Variants in PCDH11X observed in about 807,000 individuals in gnomAD.
The protein encoded by PCDH11X is protocadherin 11 X-linked, also known as protocadherin-11 X-linked.
A neutral mutation model predicts 53.3 loss-of-function variants in PCDH11X; 18 were observed. The ratio of observed to expected loss-of-function variants is 0.34; its 90% CI spans 0.23 to 0.50. The LOEUF (loss-of-function observed/expected upper bound fraction) is 0.50, where lower values mean the gene tolerates loss of function less well. Ranked by LOEUF, PCDH11X falls within the 20% of genes least tolerant of loss-of-function variation. The pLI, the probability that PCDH11X is intolerant of heterozygous loss-of-function variation, is 0.98. For synonymous variants in PCDH11X, 279 were observed against 393.3 expected (o/e 0.71, Z 3.44); for missense variants, 570 against 1,032.4 (o/e 0.55, Z 6.14).
intron 6 of PCDH11X, among the ~76,000 whole-genome samples, chrX:92,070,946 C>T (rs1488956140): frequency 2.6e-3 from 274 of 104,724 alleles, no homozygotes; most frequent in Non-Finnish European, 4.6e-3. Context: ...ACTAGAGGCA[C>T]GCGCCACCAC....
At chrX:92,215,743 C>G (rs1331066938) in intron 7 of PCDH11X, among the ~76,000 whole-genome samples, 1 of 106,366 alleles carries the variant, frequency 9.4e-6, no homozygotes, top group African/African-American at 3.4e-5. Context: ...AATGGGCAGA[C>G]TGCCTCCTCA....
chrX:92,322,361 C>A (rs1294208205), intron 8 of PCDH11X, among the ~76,000 whole-genome samples: 1 of 110,845 alleles, frequency 9.0e-6, no homozygotes, highest in African/African-American at 3.3e-5. Context: ...AATGTACTTT[C>A]CATTCCTTAT....
chrX:92,430,978 T>A (rs1339197265), intron 9 of PCDH11X, among the ~76,000 whole-genome samples: 4 of 108,430 alleles, frequency 3.7e-5, no homozygotes, highest in Non-Finnish European at 7.7e-5. Flanking sequence ...GTGAATTTCA[T>A]TTTACTTATT....
At chrX:91,968,367 C>G (rs2061896879) in intron 6 of PCDH11X, among the ~76,000 whole-genome samples, 1 of 107,751 alleles carries the variant, frequency 9.3e-6, no homozygotes, top group Non-Finnish European at 1.9e-5. Flanking sequence ...TCCCAAAATA[C>G]CACCACATTT....
chrX:92,121,305 G>C (rs938959518), intron 6 of PCDH11X, among the ~76,000 whole-genome samples: 1 of 110,295 alleles, frequency 9.1e-6, no homozygotes, highest in Non-Finnish European at 1.9e-5. Flanking sequence ...ACAGGCATCC[G>C]CCACCATGCC....
At chrX:92,394,414 G>T (rs1188457871) in intron 9 of PCDH11X, among the ~76,000 whole-genome samples, 3 of 110,948 alleles carry the variant, frequency 2.7e-5, no homozygotes, top group East Asian at 5.7e-4. Context: ...CAATGCCATA[G>T]GTCTGGAATG....
intron 7 of PCDH11X, among the ~76,000 whole-genome samples, chrX:92,247,971 A>G (rs923453570): frequency 8.9e-6 from 1 of 112,030 alleles, no homozygotes; most frequent in Admixed American, 9.5e-5. Context: ...CATAAAAATA[A>G]TGAATTCAAC....
chrX:92,021,607 A>G (rs1173005977), intron 6 of PCDH11X, among the ~76,000 whole-genome samples: 1 of 104,119 alleles, frequency 9.6e-6, no homozygotes, highest in Non-Finnish European at 2.0e-5. Flanking sequence ...TCGGGTTATT[A>G]TCCAGGAGAA....
At chrX:92,495,839 A>T (rs1176750434) in intron 10 of PCDH11X, among the ~76,000 whole-genome samples, 1 of 106,586 alleles carries the variant, frequency 9.4e-6, no homozygotes, top group Non-Finnish European at 1.9e-5. Flanking sequence ...ACTCACTACC[A>T]CAAGAGCGGT....
chrX:91,999,397 A>G (rs1162263295), intron 6 of PCDH11X, among the ~76,000 whole-genome samples: 1 of 111,356 alleles, frequency 9.0e-6, no homozygotes, highest in Non-Finnish European at 1.9e-5. Flanking sequence ...AAAACCTTCA[A>G]ATATGTGCAT....
chrX:92,368,319 C>A (rs765323391), intron 8 of PCDH11X, among the ~76,000 whole-genome samples: 1 of 111,584 alleles, frequency 9.0e-6, no homozygotes, highest in African/African-American at 3.3e-5. Flanking sequence ...TCACAAAGTT[C>A]TCGTGCTGTG....
chrX:92,064,144 G>A (rs2063567884), intron 6 of PCDH11X, among the ~76,000 whole-genome samples: 1 of 100,343 alleles, frequency 1.0e-5, no homozygotes, highest in African/African-American at 3.7e-5. Context: ...TGTGGTGGGG[G>A]TGGGGGACTG....
intron 6 of PCDH11X, among the ~76,000 whole-genome samples, chrX:91,933,492 A>G (rs2061411512): frequency 9.0e-6 from 1 of 111,692 alleles, no homozygotes; most frequent in African/African-American, 3.2e-5. Context: ...TTCAAACACA[A>G]TTTAGCACAG....
intron 9 of PCDH11X, among the ~76,000 whole-genome samples, chrX:92,449,573 A>C (rs751404805): frequency 1.8e-5 from 2 of 112,088 alleles, no homozygotes; most frequent in South Asian, 7.4e-4. Flanking sequence ...CTGGAGAAGG[A>C]TAGATTATTT....
At chrX:91,783,079 G>C in intron 1 of PCDH11X, among the ~76,000 whole-genome samples, 1 of 111,954 alleles carries the variant, frequency 8.9e-6, no homozygotes, top group East Asian at 2.8e-4. Flanking sequence ...ACGCAGGTGA[G>C]AGATGTGGGC....
intron 8 of PCDH11X, among the ~76,000 whole-genome samples, chrX:92,270,043 C>T (rs2067917060): frequency 9.0e-6 from 1 of 110,894 alleles, no homozygotes; most frequent in Non-Finnish European, 1.9e-5. Flanking sequence ...AATGATCACA[C>T]CTAGATTGTA....
chrX:92,472,060 A>T (rs1446911259), intron 10 of PCDH11X, among the ~76,000 whole-genome samples: 1 of 108,645 alleles, frequency 9.2e-6, no homozygotes, highest in Non-Finnish European at 1.9e-5. Flanking sequence ...TAGATTGTTT[A>T]CTCTGTTGAT....
chrX:92,478,839 T>C (rs1346186450), intron 10 of PCDH11X, among the ~76,000 whole-genome samples: 2 of 111,063 alleles, frequency 1.8e-5, no homozygotes, highest in African/African-American at 3.3e-5. Context: ...TTGAGAATAA[T>C]GTACATTCTG....
At chrX:92,302,919 C>A (rs1296391519) in intron 8 of PCDH11X, among the ~76,000 whole-genome samples, 1 of 110,199 alleles carries the variant, frequency 9.1e-6, no homozygotes, top group African/African-American at 3.3e-5. Flanking sequence ...TATTGACTAG[C>A]AGAAAAGTAA....
Sources: allele counts gnomAD v4.1 joint callset (sites outside exome capture counted in the v4.1 genomes callset), GRCh38; gene constraint gnomAD v4.1.1; transcripts MANE v1.5; gene names NCBI Gene and HGNC (gene_info 2026-07-23, HGNC 2026-07-21).